CRLF3: variants seen among roughly 807,000 people sequenced by gnomAD.
CRLF3 encodes the protein cytokine receptor-like factor 3.
In CRLF3, 33 loss-of-function variants were observed where a neutral mutation model predicts 55.0. That is an observed-to-expected ratio of 0.60 (90% confidence interval 0.46 to 0.80). The LOEUF is 0.80. CRLF3 is among the 30% of genes least tolerant of loss of function. The pLI is 0.00. For synonymous variants in CRLF3, 238 were observed against 196.8 expected (o/e 1.21, Z -1.75); for missense variants, 494 against 538.4 (o/e 0.92, Z 0.82).
Position 30,786,221 on chromosome 17 carries a change from C to G in CRLF3, c.960-190G>C, listed in dbSNP as rs556697460. On this transcript the variant is annotated intron_variant, in intron 6 of 7. Transcript: ENST00000324238. The stretch of plus-strand genomic sequence containing the variant: ...ATTTTATATCTATCTATCATTCTTA[C>G]AACAATCTATGAGGTAGGTGCTTTT... 6 of 474,882 alleles carry G rather than the reference C, an allele frequency of 1.3e-5. No homozygotes were observed. The East Asian group carries it at 1.4e-4, about 11-fold the overall frequency. The allele number at this position is 474,882 out of a possible 1,614,324, so 29.4% of individuals were successfully genotyped here.
At position 30,796,183 on chromosome 17, in the gene CRLF3, C is replaced by T; in HGVS notation, c.580G>A (p.Gly194Ser). 1 of 1,612,976 alleles carries T rather than the reference C, an allele frequency of 6.2e-7. No individual in the cohort carries two copies. The highest frequency in any genetic ancestry group is 8.5e-7 in the Non-Finnish European group (1 of 1,179,352). Residue 194 changes from glycine to serine, a missense_variant, in exon 4 of 8, where the codon GGC becomes AGC. Transcript: ENST00000324238. ...QIEELIEKPG[G>S]IIVRWCKVDD... ...ACCTTACACCATCGTACAATGATGCCTCCAGGTTTCTCTATTAGTTCTTCT... is the reference window on the plus strand; with the variant it reads ...ACCTTACACCATCGTACAATGATGCTTCCAGGTTTCTCTATTAGTTCTTCT...
chr17:30,821,540 T>C (rs1904998383), intron 1 of CRLF3, among the ~76,000 whole-genome samples: 2 of 152,304 alleles, frequency 1.3e-5, no homozygotes, highest in Middle Eastern at 3.4e-3. Flanking sequence ...CAAATGTCCA[T>C]TAATTGATGA....
intron 6 of CRLF3, among the ~76,000 whole-genome samples, chr17:30,790,321 T>C (rs1243690633): frequency 6.6e-6 from 1 of 152,194 alleles, no homozygotes; most frequent in Non-Finnish European, 1.5e-5. Flanking sequence ...CAAACTTTAC[T>C]TCTCTAAGTC....
chr17:30,784,666 A>G, intron 7 of CRLF3: 1 of 439,422 alleles, frequency 2.3e-6, no homozygotes, highest in South Asian at 4.7e-5. Context: ...TGACAGTGTT[A>G]CAAAATTACC....
At chr17:30,794,427 CAT>C (rs760036886) in intron 4 of CRLF3, among the ~76,000 whole-genome samples, 1 of 152,108 alleles carries the variant, frequency 6.6e-6, no homozygotes, top group African/African-American at 2.4e-5. Context: ...GGAGAAGAAA[CAT>C]AAATAGCCAA....
In CRLF3 at chr17:30,824,548, T is replaced by C; in HGVS notation, c.104A>G (p.Glu35Gly). Reference sequence around the variant, plus strand: ...CTGCCTCCGCGCCTCACGCAGCCCCTCAAGCCGGTGACCCAGCTCCCGCCG... The same window carrying C: ...CTGCCTCCGCGCCTCACGCAGCCCCCCAAGCCGGTGACCCAGCTCCCGCCG... ...SYRRELGHRL[E>G]GLREARRQIK... Residue 35 changes from glutamate to glycine, a missense_variant, in exon 1 of 8, where the codon GAG (glutamate) becomes GGG (glycine). By Grantham distance (98) the Glu-to-Gly change is moderately conservative. Transcript: ENST00000324238. 1.9e-6 allele frequency: 3 copies of C among 1,596,468 alleles called. No homozygotes were observed. The highest frequency in any genetic ancestry group is 2.5e-6 in the Non-Finnish European group (3 of 1,176,662).
chr17:30,785,855 A>C, intron 7 of CRLF3, 64 bp downstream of exon 7: 1 of 866,010 alleles, frequency 1.2e-6, no homozygotes, highest in Non-Finnish European at 1.9e-6. Context: ...GAACTGGAAC[A>C]GATTCACATA....
chr17:30,814,639 A>G (rs1904727327), intron 1 of CRLF3, among the ~76,000 whole-genome samples: 1 of 151,898 alleles, frequency 6.6e-6, no homozygotes, highest in Non-Finnish European at 1.5e-5. Context: ...CCTGGGTGAC[A>G]GAGCAAGACT....
intron 1 of CRLF3, among the ~76,000 whole-genome samples, chr17:30,805,713 CA>C (rs58852260): frequency 0.019 from 1,313 of 70,952 alleles, 9 homozygotes; most frequent in African/African-American, 0.056. Flanking sequence ...GACTCCGTCT[CA>C]AAAAAAAAAA....
At chr17:30,796,768 G>C (rs1971924672) in intron 3 of CRLF3, among the ~76,000 whole-genome samples, 1 of 149,070 alleles carries the variant, frequency 6.7e-6, no homozygotes, top group Non-Finnish European at 1.5e-5. Flanking sequence ...CTGTCCCCTA[G>C]GCTGGAGTGC....
chr17:30,813,664 A>G (rs1235825016), intron 1 of CRLF3, among the ~76,000 whole-genome samples: 1 of 151,892 alleles, frequency 6.6e-6, no homozygotes, highest in Non-Finnish European at 1.5e-5. Flanking sequence ...CAGGTTTGTT[A>G]CATATGTATA....
intron 1 of CRLF3, among the ~76,000 whole-genome samples, chr17:30,814,028 G>A (rs894842498): frequency 6.6e-6 from 1 of 151,924 alleles, no homozygotes; most frequent in East Asian, 1.9e-4. Flanking sequence ...AGGCTAAGGC[G>A]GGCAGATCAC....
chr17:30,801,725 G>A (rs539381849), intron 2 of CRLF3, among the ~76,000 whole-genome samples: 15 of 152,026 alleles, frequency 9.9e-5, no homozygotes, highest in East Asian at 3.9e-4. Context: ...GCCTGGCCTC[G>A]GCCTCTAATA....
At chr17:30,788,593 T>G (rs1971705913) in intron 6 of CRLF3, among the ~76,000 whole-genome samples, 9 of 137,878 alleles carry the variant, frequency 6.5e-5, no homozygotes, top group Admixed American at 3.0e-4. Context: ...AACAAAGTAG[T>G]GCCTTCTTTT....
chr17:30,823,405 GTA>G (rs1479639237), intron 1 of CRLF3, among the ~76,000 whole-genome samples: 2 of 151,468 alleles, frequency 1.3e-5, no homozygotes. Flanking sequence ...ATATATGTTT[GTA>G]TATGTTTTAT....
chr17:30,795,342 A>G (rs1597920152), intron 4 of CRLF3, among the ~76,000 whole-genome samples: 1 of 151,654 alleles, frequency 6.6e-6, no homozygotes, highest in East Asian at 1.9e-4. Context: ...TACTAAAAAT[A>G]CAAACTTAGC....
chr17:30,807,829 C>T (rs1552274), intron 1 of CRLF3, among the ~76,000 whole-genome samples: 1 of 152,068 alleles, frequency 6.6e-6, no homozygotes, highest in Admixed American at 6.6e-5. Flanking sequence ...GCCCTTTTCT[C>T]TCCATTTGAC....
intron 6 of CRLF3, chr17:30,786,692 C>CA (rs1166286424): frequency 1.6e-5 from 2 of 127,172 alleles, no homozygotes; most frequent in Non-Finnish European, 3.1e-5. Flanking sequence ...ACTCTAGAAT[C>CA]AATCAATCTA....
At chr17:30,818,771 T>C (rs1440436285) in intron 1 of CRLF3, among the ~76,000 whole-genome samples, 2 of 150,816 alleles carry the variant, frequency 1.3e-5, no homozygotes, top group Non-Finnish European at 3.0e-5. Context: ...TTCTTTTCTT[T>C]GCTAAGCTAC....
Sources: allele counts gnomAD v4.1 joint callset (sites outside exome capture counted in the v4.1 genomes callset), GRCh38; gene constraint gnomAD v4.1.1; transcripts MANE v1.5; gene names NCBI Gene and HGNC (gene_info 2026-07-23, HGNC 2026-07-21).